Variants in PBX3 observed in about 807,000 individuals in gnomAD.
PBX3 encodes PBX homeobox 3.
Under a neutral mutation model 48.5 loss-of-function variants are expected in PBX3, and 14 were observed. That is an observed-to-expected ratio of 0.29 (90% CI 0.19 to 0.45). The LOEUF is 0.45. PBX3 is among the 20% of genes least tolerant of loss of function. The pLI, the probability that PBX3 is intolerant of heterozygous loss-of-function variation, is 1.00. For synonymous variants in PBX3, 210 were observed against 200.3 expected (o/e 1.05, Z -0.41); for missense variants, 386 against 546.7 (o/e 0.71, Z 2.93).
chr9:125,843,840 C>A (rs761861449), intron 2 of PBX3: 1 of 455,576 alleles, frequency 2.2e-6, no homozygotes, highest in Non-Finnish European at 4.4e-6. Context: ...AAAGTGCAGG[C>A]CTGCTGAGGC....
At chr9:125,773,907 C>T (rs1156228764) in intron 2 of PBX3, among the ~76,000 whole-genome samples, 1 of 152,138 alleles carries the variant, frequency 6.6e-6, no homozygotes, top group Non-Finnish European at 1.5e-5. Context: ...TAATCAGTGA[C>T]ATTTAGTACA....
At chr9:125,826,542 C>T (rs574138485) in intron 2 of PBX3, among the ~76,000 whole-genome samples, 5 of 152,128 alleles carry the variant, frequency 3.3e-5, no homozygotes, top group African/African-American at 9.6e-5. Flanking sequence ...AATGTCACTA[C>T]TAAGTATTTA....
chr9:125,836,432 G>A (rs986983838), intron 2 of PBX3, among the ~76,000 whole-genome samples: 1 of 152,000 alleles, frequency 6.6e-6, no homozygotes, highest in African/African-American at 2.4e-5. Flanking sequence ...GCGACAGAGC[G>A]AGACTCTGTC....
At chr9:125,917,795 G>T (rs1460172097) in intron 3 of PBX3, among the ~76,000 whole-genome samples, 1 of 152,050 alleles carries the variant, frequency 6.6e-6, no homozygotes, top group Non-Finnish European at 1.5e-5. Context: ...ATTATAAGGT[G>T]TTTTCTATTT....
chr9:125,809,700 C>T (rs1032674963), intron 2 of PBX3, among the ~76,000 whole-genome samples: 1 of 152,004 alleles, frequency 6.6e-6, no homozygotes, highest in Non-Finnish European at 1.5e-5. Flanking sequence ...AGGAAATATT[C>T]AGCTATATTA....
chr9:125,877,456 G>C (rs539230864), intron 2 of PBX3, among the ~76,000 whole-genome samples: 9 of 152,270 alleles, frequency 5.9e-5, no homozygotes, highest in Non-Finnish European at 1.2e-4. Context: ...GATGGCATTA[G>C]CTCTTTGTTG....
At chr9:125,867,459 G>A (rs1018312309) in intron 2 of PBX3, among the ~76,000 whole-genome samples, 1 of 151,818 alleles carries the variant, frequency 6.6e-6, no homozygotes, top group Non-Finnish European at 1.5e-5. Context: ...GGCCAACATA[G>A]TGAAACCCCA....
chr9:125,801,795 A>ACACACACC (rs2132096099), intron 2 of PBX3, among the ~76,000 whole-genome samples: 1 of 141,944 alleles, frequency 7.0e-6, no homozygotes, highest in Non-Finnish European at 1.5e-5. Flanking sequence ...ACACATACAC[A>ACACACACC]CACACACACA....
chr9:125,904,068 T>C lies in PBX3; in HGVS notation c.275-11618T>C, dbSNP rs1390125493. 2.0e-5 allele frequency among the ~76,000 whole-genome samples: 3 copies of C among 151,916 alleles called. 1 individual carries two copies. The South Asian group carries it at 6.2e-4, about 31-fold the overall frequency. On this transcript the variant is annotated intron_variant, in intron 2 of 8. Coordinates refer to ENST00000373489, the MANE Select transcript of PBX3 (RefSeq NM_006195.6). Reference sequence around the variant, plus strand: ...GCTCTCAAAAAATGTGAGGTCTTATTATTAACCTGCCTTTGATATTATACT... The same window carrying C: ...GCTCTCAAAAAATGTGAGGTCTTATCATTAACCTGCCTTTGATATTATACT...
intron 2 of PBX3, among the ~76,000 whole-genome samples, chr9:125,755,378 TGTTTGGTGAACAGTA>T (rs1836486146): frequency 6.6e-6 from 1 of 152,154 alleles, no homozygotes; most frequent in East Asian, 1.9e-4. Flanking sequence ...ATTATCATTT[TGTTTGGTGAACAGTA>T]GTAAAACAGT....
intron 5 of PBX3, among the ~76,000 whole-genome samples, chr9:125,951,807 A>G (rs1842201311): frequency 1.3e-5 from 2 of 152,302 alleles, no homozygotes; most frequent in South Asian, 2.1e-4. Flanking sequence ...TCTCAAACCC[A>G]TTTATCCAGC....
intron 2 of PBX3, among the ~76,000 whole-genome samples, chr9:125,792,031 A>T (rs1324901173): frequency 7.0e-6 from 1 of 142,244 alleles, no homozygotes; most frequent in Non-Finnish European, 1.5e-5. Flanking sequence ...ATGGATTAAT[A>T]CTACACACAC....
chr9:125,939,185 C>G (rs946071251), intron 5 of PBX3, among the ~76,000 whole-genome samples: 2 of 152,056 alleles, frequency 1.3e-5, no homozygotes, highest in Non-Finnish European at 2.9e-5. Context: ...AGTCCACGCA[C>G]TGCAAGAAGA....
intron 2 of PBX3, among the ~76,000 whole-genome samples, chr9:125,803,876 C>T (rs1018357969): frequency 2.0e-5 from 3 of 152,122 alleles, no homozygotes; most frequent in African/African-American, 4.8e-5. Flanking sequence ...TTTGAATTAC[C>T]AGAACCTTAT....
At chr9:125,930,315 C>A (rs1230917286) in intron 4 of PBX3, among the ~76,000 whole-genome samples, 1 of 152,266 alleles carries the variant, frequency 6.6e-6, no homozygotes, top group East Asian at 1.9e-4. Flanking sequence ...ATTTCCAAAT[C>A]AAGAAAGAAA....
At chr9:125,953,972 C>T (rs541771385) in intron 5 of PBX3, among the ~76,000 whole-genome samples, 8 of 152,306 alleles carry the variant, frequency 5.3e-5, no homozygotes, top group East Asian at 1.9e-4. Flanking sequence ...GCTTTCCTTA[C>T]GTATATGTGT....
At chr9:125,848,260 TC>T (rs1211205090) in intron 2 of PBX3, among the ~76,000 whole-genome samples, 1 of 152,058 alleles carries the variant, frequency 6.6e-6, no homozygotes, top group Admixed American at 6.6e-5. Context: ...TCACCTAAAA[TC>T]ACCTCAAGGT....
intron 2 of PBX3, among the ~76,000 whole-genome samples, chr9:125,852,012 C>T (rs1393899674): frequency 6.6e-6 from 1 of 151,166 alleles, no homozygotes; most frequent in Non-Finnish European, 1.5e-5. Flanking sequence ...ATGTGGTATT[C>T]AGTTTGGAGA....
chr9:125,786,838 C>T (rs561248682), intron 2 of PBX3, among the ~76,000 whole-genome samples: 2 of 151,654 alleles, frequency 1.3e-5, no homozygotes, highest in African/African-American at 4.8e-5. Flanking sequence ...GATTCTCTCA[C>T]CTCAGCCTCC....
Sources: gnomAD v4.1 joint callset for allele counts (sites outside exome capture counted in the v4.1 genomes callset) on GRCh38, gnomAD v4.1.1 for gene constraint, MANE v1.5 for transcripts, NCBI Gene and HGNC (gene_info 2026-07-23, HGNC 2026-07-21) for gene names.